The following BPIFB6 variants were observed in gnomAD, a reference collection of about 807,000 sequenced individuals.
BPIFB6 encodes the protein BPI fold-containing family B member 6.
BPIFB6 carries 47 observed loss-of-function variants against 54.7 expected under a neutral mutation model. The ratio of observed to expected loss-of-function variants is 0.86; its 90% CI spans 0.68 to 1.10. BPIFB6 has a LOEUF of 1.10. Ranked by LOEUF, BPIFB6 falls within the 50% of genes least tolerant of loss-of-function variation. The probability of loss-of-function intolerance (pLI) is 0.00; values close to 1 mark genes in which losing one functional copy is unlikely to be tolerated. For missense variants in BPIFB6, 603 were observed against 564.1 expected (o/e 1.07, Z -0.70); for synonymous variants, 255 against 225.9 (o/e 1.13, Z -1.16).
At chr20:33,044,068 C>A (rs1254681535), downstream of BPIFB6, 1 of 1,614,128 alleles carries the variant, frequency 6.2e-7, no homozygotes. Flanking sequence ...ACTCCCCTGC[C>A]AGCTGCCTGC....
At chr20:33,038,820 A>T (rs993818005) in intron 8 of BPIFB6, 89 bp from the exon 9 acceptor site, 36 of 1,274,480 alleles carry the variant, frequency 2.8e-5, no homozygotes, top group Non-Finnish European at 3.9e-5. Flanking sequence ...GGAGCCTCAA[A>T]GGGTACACCT....
Position 33,035,689 on chromosome 20 carries a change from C to A in BPIFB6, c.577+17C>A, listed in dbSNP as rs376718130. 3 of 1,610,376 alleles carry A rather than the reference C, an allele frequency of 1.9e-6. No individual in the cohort carries two copies. The highest frequency in any genetic ancestry group is 2.5e-6 in the Non-Finnish European group (3 of 1,176,740). On this transcript the variant is annotated intron_variant, in intron 6 of 14. Transcript: ENST00000349552. ...ACCTCAGTGGTGAGTGTAGCCCTAC[C>A]CACACCTTGCCCCTACCTAGGGATA...
chr20:33,037,738 G>A lies in BPIFB6; in HGVS notation c.846G>A (p.Met282Ile), dbSNP rs374063484. 9.9e-6 allele frequency: 16 copies of A among 1,613,870 alleles called. No homozygotes were observed. The African/African-American group carries it at 1.7e-4, about 18-fold the overall frequency. Reference protein sequence around the residue: ...KSFHVNIQDTMIGELPPQTTK... With the variant: ...KSFHVNIQDTIIGELPPQTTK... The stretch of plus-strand genomic sequence containing the variant: ...TTCATGTGAATATCCAGGATACAAT[G>A]GTGAGCTGTCCAGTTCCCCATTTCC... Residue 282 changes from methionine to isoleucine, a missense_variant and splice_region_variant, in exon 8 of 15, where the codon ATG (methionine) becomes ATA (isoleucine). Physicochemically the swap from Met to Ile is conservative, Grantham distance 10. Coordinates refer to ENST00000349552, the MANE Select transcript of BPIFB6 (RefSeq NM_174897.2).
intron 3 of BPIFB6, 26 bp from the exon 4 acceptor site, chr20:33,034,737 T>C (rs1979254783): frequency 6.3e-7 from 1 of 1,578,764 alleles, no homozygotes; most frequent in Middle Eastern, 1.7e-4. Flanking sequence ...GAGATGCCCA[T>C]GGTGCCCTCC....
chr20:33,040,826 C>T (rs927271207), intron 11 of BPIFB6, among the ~76,000 whole-genome samples: 3 of 152,304 alleles, frequency 2.0e-5, no homozygotes, highest in East Asian at 1.9e-4. Context: ...GCTTAACATT[C>T]GGTCCCTATT....
intron 8 of BPIFB6, among the ~76,000 whole-genome samples, chr20:33,038,287 A>G (rs1207398725): frequency 6.6e-6 from 1 of 152,038 alleles, no homozygotes; most frequent in African/African-American, 2.4e-5. Context: ...ATGTCCGTTC[A>G]TTCCCCGCTG....
In BPIFB6 at chr20:33,042,860, T is replaced by A. The variant is rs1979646741; in HGVS notation, c.1234T>A (p.Tyr412Asn). 7.4e-6 allele frequency: 12 copies of A among 1,614,150 alleles called. No homozygotes were observed. Among genetic ancestry groups the A allele is most frequent in the Non-Finnish European group, 9.3e-6 (11 of 1,179,992 alleles). ...CATCACCAGCTATCTCGAAGAAGCC[T>A]ACATCCCAGTTGTCAATGGTGAGGG... ...GFITSYLEEA[Y>N]IPVVNDVLQV... The change falls in exon 13 of 15, where the codon TAC (tyrosine) becomes AAC (asparagine). Residue 412 changes from tyrosine to asparagine, a missense_variant. Physicochemically the swap from Tyr to Asn is moderately radical, Grantham distance 143 (BLOSUM62 -2). Transcript: ENST00000349552.
At chr20:33,034,993 C>A (rs1600523727) in intron 4 of BPIFB6, 81 bp downstream of exon 4, 2 of 1,606,334 alleles carry the variant, frequency 1.2e-6, no homozygotes. Flanking sequence ...GCCATGGAAC[C>A]CCCTTAACCA....
intron 9 of BPIFB6, 99 bp downstream of exon 9, chr20:33,039,061 C>T: frequency 7.4e-7 from 1 of 1,348,802 alleles, no homozygotes; most frequent in Non-Finnish European, 1.0e-6. Context: ...TTTCATGCCA[C>T]ATATTCCTTG....
intron 12 of BPIFB6, 74 bp downstream of exon 12, chr20:33,042,089 G>C (rs1333748373): frequency 1.4e-6 from 2 of 1,471,574 alleles, no homozygotes; most frequent in African/African-American, 2.8e-5. Context: ...GAACTACAGG[G>C]CCGAGGCCCT....
Position 33,043,894 on chromosome 20 carries a change from T to G in BPIFB6, c.1330-121T>G, listed in dbSNP as rs76462289. ...CTCCAGGGTCACAAGGCAAGTCTAC[T>G]TCAACCTTTGCTTAACCACCACACT... On this transcript the variant is annotated intron_variant, in intron 14 of 14. Coordinates refer to ENST00000349552, the MANE Select transcript of BPIFB6 (RefSeq NM_174897.2). 723 of 1,283,412 alleles carry G rather than the reference T, an allele frequency of 5.6e-4. No individual in the cohort carries two copies. The African/African-American group carries it at 9.6e-3, about 17-fold the overall frequency. The allele number at this position is 1,283,412 out of a possible 1,614,324, so 79.5% of individuals were successfully genotyped here. A position where few individuals can be genotyped will look rare whatever the true frequency, so the allele number is the denominator to read the frequency against.
intron 11 of BPIFB6, among the ~76,000 whole-genome samples, chr20:33,041,046 G>A (rs558872099): frequency 2.9e-4 from 43 of 147,158 alleles, no homozygotes; most frequent in African/African-American, 1.0e-3. Context: ...CTGGAGTGCA[G>A]TGGCGCAATC....
intron 5 of BPIFB6, 56 bp from the exon 6 acceptor site, chr20:33,035,556 G>A (rs1183221828): frequency 1.3e-6 from 2 of 1,572,592 alleles, no homozygotes; most frequent in African/African-American, 1.4e-5. Context: ...CCATTCAGCT[G>A]TGTGGAGGCT....
downstream of BPIFB6, chr20:33,044,071 C>A (rs773302980): frequency 2.5e-6 from 4 of 1,613,984 alleles, no homozygotes; most frequent in Non-Finnish European, 3.4e-6. Context: ...CCCCTGCCAG[C>A]TGCCTGCTTA....
chr20:33,035,950 G>A lies in BPIFB6; in HGVS notation c.577+278G>A, dbSNP rs565378889. On this transcript the variant is annotated intron_variant, in intron 6 of 14. Coordinates refer to ENST00000349552, the MANE Select transcript of BPIFB6 (RefSeq NM_174897.2). The stretch of plus-strand genomic sequence containing the variant: ...CCTTCTTTGCTCGTCCACAAGCCTC[G>A]TGCCTATGTAGTAATCCCGATGGTA... 1.8e-4 allele frequency among the ~76,000 whole-genome samples: 27 copies of A among 152,208 alleles called. No homozygotes were observed. In the Middle Eastern group the frequency reaches 0.014, roughly 77 times the overall value.
At chr20:33,036,411 G>A (rs541091274) in intron 6 of BPIFB6, 34 bp from the exon 7 acceptor site, 1 of 1,572,854 alleles carries the variant, frequency 6.4e-7, no homozygotes, top group East Asian at 2.3e-5. Flanking sequence ...CCTGGGGTTG[G>A]TGCCTCTTTG....
intron 14 of BPIFB6, 105 bp from the exon 15 acceptor site, chr20:33,043,910 C>T: frequency 7.1e-7 from 1 of 1,417,424 alleles, no homozygotes; most frequent in East Asian, 2.3e-5. Flanking sequence ...CTTTGCTTAA[C>T]CACCACACTG....
At chr20:33,036,866 T>C (rs1600524907) in intron 7 of BPIFB6, among the ~76,000 whole-genome samples, 1 of 152,152 alleles carries the variant, frequency 6.6e-6, no homozygotes, top group Non-Finnish European at 1.5e-5. Context: ...GCAGGAGCAG[T>C]GACCTACCCA....
chr20:33,033,362 C>T (rs1979188303), intron 2 of BPIFB6: 1 of 535,392 alleles, frequency 1.9e-6, no homozygotes, highest in Admixed American at 2.2e-5. Context: ...ACTCTGCATG[C>T]AACATGAACT....
Sources: allele counts gnomAD v4.1 joint callset (sites outside exome capture counted in the v4.1 genomes callset), GRCh38; gene constraint gnomAD v4.1.1; transcripts MANE v1.5; gene names NCBI Gene and HGNC (gene_info 2026-07-23, HGNC 2026-07-21).